The following RYR2 variants were observed in gnomAD, a reference collection of about 807,000 sequenced individuals.
The protein encoded by RYR2 is ryanodine receptor 2.
Under a neutral mutation model 601.1 loss-of-function variants are expected in RYR2, and 227 were observed. That is an observed-to-expected ratio of 0.38 (90% CI 0.34 to 0.42). RYR2 has a LOEUF of 0.42. Among genes scored for constraint, RYR2 ranks in the 10% least tolerant of loss-of-function variants. The pLI, the probability that RYR2 is intolerant of heterozygous loss-of-function variation, is 1.00. For missense variants in RYR2, 4,646 were observed against 6,156.5 expected (o/e 0.75, Z 8.21); for synonymous variants, 2,223 against 2,175.1 (o/e 1.02, Z -0.61).
chr1:237,569,069 G>A, intron 28 of RYR2, 76 bp from the exon 29 acceptor site: 1 of 1,354,238 alleles, frequency 7.4e-7, no homozygotes, highest in Non-Finnish European at 1.0e-6. Flanking sequence ...CTGCTGTTAG[G>A]TCGTGACAGA....
chr1:237,708,495 A>T (rs1345795401), intron 68 of RYR2, among the ~76,000 whole-genome samples: 1 of 152,238 alleles, frequency 6.6e-6, no homozygotes, highest in African/African-American at 2.4e-5. Flanking sequence ...AGTCTCATAT[A>T]GTAATTATGT....
chr1:237,192,185 A>C (rs1382327958), intron 1 of RYR2, among the ~76,000 whole-genome samples: 2 of 151,960 alleles, frequency 1.3e-5, no homozygotes, highest in Non-Finnish European at 2.9e-5. Flanking sequence ...GAAAAAAAAA[A>C]AAAACATTTT....
chr1:237,089,760 A>C (rs968146215), intron 1 of RYR2, among the ~76,000 whole-genome samples: 1 of 152,238 alleles, frequency 6.6e-6, no homozygotes, highest in Non-Finnish European at 1.5e-5. Context: ...ATGCAAGTGG[A>C]AAACTTCAGT....
intron 2 of RYR2, 27 bp downstream of exon 2, chr1:237,270,643 C>G (rs887399344): frequency 1.3e-6 from 2 of 1,556,872 alleles, no homozygotes; most frequent in Non-Finnish European, 1.7e-6. Context: ...CAAGGCTATT[C>G]AAATATGCAA....
chr1:237,472,742 G>A (rs1214152292), intron 17 of RYR2, among the ~76,000 whole-genome samples: 7 of 151,928 alleles, frequency 4.6e-5, no homozygotes, highest in Admixed American at 2.6e-4. Context: ...GAAAGAAGGG[G>A]CAAAAACCCT....
At chr1:237,517,727 T>C (rs558208901) in intron 24 of RYR2, among the ~76,000 whole-genome samples, 2 of 152,276 alleles carry the variant, frequency 1.3e-5, no homozygotes, top group Non-Finnish European at 2.9e-5. Flanking sequence ...GCCCCCTGTT[T>C]CCACAGGCAA....
At chr1:237,595,771 CT>C in intron 34 of RYR2, 114 bp downstream of exon 34, 3 of 1,279,838 alleles carry the variant, frequency 2.3e-6, no homozygotes, top group Non-Finnish European at 2.1e-6. Flanking sequence ...ACATGTGCCC[CT>C]GGTCTGAAAA....
chr1:237,176,769 A>G (rs557933158), intron 1 of RYR2, among the ~76,000 whole-genome samples: 1 of 152,278 alleles, frequency 6.6e-6, no homozygotes, highest in African/African-American at 2.4e-5. Flanking sequence ...CACAGTGAAA[A>G]TACTGATATT....
At position 237,610,898 on chromosome 1, in the gene RYR2, A is replaced by T. The variant is rs886988097; in HGVS notation, c.4820A>T (p.Asp1607Val). Reference sequence around the variant, plus strand: ...ATGCCCAACCAGTTTTTGAAGGTAGATGTGTCTCGAATAAGTGAACGCCAA... The same window carrying T: ...ATGCCCAACCAGTTTTTGAAGGTAGTTGTGTCTCGAATAAGTGAACGCCAA... ...SRMPNQFLKV[D>V]VSRISERQGW... The change falls in exon 36 of 105, where the codon GAT becomes GTT. Residue 1607 changes from aspartate (D) to valine (V), a missense_variant. By Grantham distance (152) the Asp-to-Val change is radical. Around this residue, in one of 17 missense-constraint regions of RYR2, gnomAD observed 1,807 missense variants for 2,088.1 expected, o/e 0.87. Transcript: ENST00000366574. The surrounding 1 kb of genome is among the most constrained non-coding windows in gnomAD (Gnocchi z 4.9). 6.2e-7 allele frequency: 1 copy of T among 1,613,328 alleles called. No homozygotes were observed. The highest frequency in any genetic ancestry group is 1.3e-5 in the African/African-American group (1 of 74,886).
intron 1 of RYR2, among the ~76,000 whole-genome samples, chr1:237,117,424 T>C (rs140971012): frequency 4.6e-5 from 7 of 152,256 alleles, no homozygotes; most frequent in African/African-American, 1.2e-4. Flanking sequence ...GGTCGTAATT[T>C]GGAGGATGGA....
chr1:237,533,308 A>G (rs1459188378), intron 25 of RYR2, among the ~76,000 whole-genome samples: 1 of 152,154 alleles, frequency 6.6e-6, no homozygotes, highest in Non-Finnish European at 1.5e-5. Context: ...GCGCGAGCCT[A>G]AAATGTTGGG....
intron 27 of RYR2, among the ~76,000 whole-genome samples, chr1:237,563,166 G>A (rs1402744531): frequency 1.5e-4 from 23 of 152,102 alleles, no homozygotes; most frequent in Admixed American, 1.4e-3. Flanking sequence ...CCAGCACTTT[G>A]GGAGGCTGAG....
At chr1:237,176,265 A>AT (rs1491199020) in intron 1 of RYR2, among the ~76,000 whole-genome samples, 639 of 14,866 alleles carry the variant, frequency 0.043, 6 homozygotes, top group Non-Finnish European at 0.24. Flanking sequence ...ATATATATAT[A>AT]AAAAATGAAA....
intron 20 of RYR2, among the ~76,000 whole-genome samples, chr1:237,497,479 T>C (rs1664197485): frequency 6.6e-6 from 1 of 152,208 alleles, no homozygotes; most frequent in African/African-American, 2.4e-5. Flanking sequence ...ATTTTTTAGA[T>C]GTTAAAATTC....
intron 25 of RYR2, among the ~76,000 whole-genome samples, chr1:237,538,059 G>C (rs1668832753): frequency 6.6e-6 from 1 of 151,942 alleles, no homozygotes. Context: ...AAAAAATGTT[G>C]GTGGAAAAGA....
chr1:237,793,796 G>A (rs1309470576), intron 94 of RYR2, 71 bp from the exon 95 acceptor site: 5 of 1,223,584 alleles, frequency 4.1e-6, no homozygotes, highest in Non-Finnish European at 1.2e-6. Context: ...AAGCTGTTTT[G>A]TAAAGATAGT....
rs2148431580 is a variant in RYR2 at position 237,589,989 on chromosome 1, T to C, written c.3795T>C (p.His1265=). The change falls in exon 30 of 105, where the codon CAT becomes CAC. Residue 1265 remains histidine (H), a synonymous_variant. Transcript: ENST00000366574. ...LPQFLQVPSN[H]EHIEVTRIDG... ...AGTTTCTTCAAGTTCCATCAAACCA[T>C]GAACATATAGAGGTTTGCTTTTTCT... 1 of 1,613,734 alleles carries C rather than the reference T, an allele frequency of 6.2e-7. No individual in the cohort carries two copies. The highest frequency in any genetic ancestry group is 8.5e-7 in the Non-Finnish European group (1 of 1,179,764).
intron 13 of RYR2, among the ~76,000 whole-genome samples, chr1:237,442,754 T>A (rs538653255): frequency 6.6e-6 from 1 of 152,182 alleles, no homozygotes; most frequent in Non-Finnish European, 1.5e-5. Context: ...TCTGACTTTT[T>A]TTCCCCATTG....
intron 1 of RYR2, among the ~76,000 whole-genome samples, chr1:237,203,278 A>G (rs1681407957): frequency 6.6e-6 from 1 of 152,192 alleles, no homozygotes; most frequent in Non-Finnish European, 1.5e-5. Context: ...GGTTACTTAG[A>G]ATAGTTCCTA....
Sources: gnomAD v4.1 joint callset for allele counts (sites outside exome capture counted in the v4.1 genomes callset) on GRCh38, gnomAD v4.1.1 for gene constraint, gnomAD v4.1.1 regional missense constraint, Gnocchi (gnomAD v3.1) non-coding constraint, MANE v1.5 for transcripts, NCBI Gene and HGNC (gene_info 2026-07-23, HGNC 2026-07-21) for gene names.